NXPE2: variants seen among roughly 807,000 people sequenced by gnomAD.
NXPE2 encodes the protein NXPE family member 2.
A neutral mutation model predicts 34.4 loss-of-function variants in NXPE2; 34 were observed. That is an observed-to-expected ratio of 0.99 (90% confidence interval 0.75 to 1.31). The LOEUF (loss-of-function observed/expected upper bound fraction) is 1.31. NXPE2 is among the 40% of genes most tolerant of loss of function. The pLI is 0.00. For missense variants in NXPE2, 649 were observed against 672.5 expected (o/e 0.97, Z 0.39); for synonymous variants, 235 against 231.3 (o/e 1.02, Z -0.15).
the NXPE2 span, among the ~76,000 whole-genome samples, chr11:114,620,610 C>T: frequency 6.5e-4 from 99 of 151,644 alleles, no homozygotes; most frequent in African/African-American, 1.9e-3. Context: ...CACTGTTACG[C>T]GGTGGATAAT....
the NXPE2 span, among the ~76,000 whole-genome samples, chr11:114,539,732 A>T: frequency 1.3e-5 from 2 of 152,224 alleles, no homozygotes; most frequent in Non-Finnish European, 2.9e-5. Flanking sequence ...AGTGTAAATT[A>T]TTGAAATAAA....
chr11:114,520,809 T>C, the NXPE2 span, among the ~76,000 whole-genome samples: 87 of 152,330 alleles, frequency 5.7e-4, no homozygotes, highest in Non-Finnish European at 1.0e-3. Flanking sequence ...GACTTCCAAA[T>C]TGAGCATCTT....
the NXPE2 span, chr11:114,580,368 C>A: frequency 6.3e-7 from 1 of 1,588,788 alleles, no homozygotes; most frequent in Non-Finnish European, 8.6e-7. Context: ...ATAGGATCTT[C>A]CAAAACATCA....
At chr11:114,588,815 T>C in the NXPE2 span, among the ~76,000 whole-genome samples, 1 of 152,132 alleles carries the variant, frequency 6.6e-6, no homozygotes, top group Admixed American at 6.5e-5. Flanking sequence ...AAACACACCT[T>C]CTTGTCCCCT....
At chr11:114,556,938 G>A in the NXPE2 span, among the ~76,000 whole-genome samples, 1 of 148,660 alleles carries the variant, frequency 6.7e-6, no homozygotes, top group African/African-American at 2.5e-5. Flanking sequence ...TGTTGCCCAA[G>A]TTGGAGTGCA....
the NXPE2 span, among the ~76,000 whole-genome samples, chr11:114,775,184 C>T: frequency 1.3e-5 from 2 of 152,214 alleles, no homozygotes; most frequent in Non-Finnish European, 2.9e-5. Flanking sequence ...CCTCTTGTCG[C>T]TGTCTTCCTT....
At chr11:114,734,875 G>A in the NXPE2 span, among the ~76,000 whole-genome samples, 16 of 152,108 alleles carry the variant, frequency 1.1e-4, no homozygotes, top group East Asian at 7.7e-4. Context: ...TTGGGAGGCC[G>A]AGGCGGGCGG....
At chr11:114,623,264 T>C in the NXPE2 span, among the ~76,000 whole-genome samples, 5 of 152,206 alleles carry the variant, frequency 3.3e-5, no homozygotes, top group African/African-American at 1.2e-4. Flanking sequence ...GTAATACATA[T>C]TGCCTCGTGG....
chr11:114,694,243 T>C (rs558373723), intron 2 of NXPE2, among the ~76,000 whole-genome samples: 1 of 152,376 alleles, frequency 6.6e-6, no homozygotes, highest in Non-Finnish European at 1.5e-5. Flanking sequence ...AATTACACCT[T>C]CAATCTTAAT....
chr11:114,743,674 C>T, the NXPE2 span, among the ~76,000 whole-genome samples: 4 of 151,892 alleles, frequency 2.6e-5, no homozygotes, highest in South Asian at 2.1e-4. Flanking sequence ...CAATAAATAG[C>T]GGAAGTGGGA....
chr11:114,724,310 T>C, the NXPE2 span, among the ~76,000 whole-genome samples: 2 of 152,146 alleles, frequency 1.3e-5, no homozygotes, highest in African/African-American at 2.4e-5. Flanking sequence ...CCCTCACCCC[T>C]GAGTGGACTG....
At chr11:114,739,469 A>G in the NXPE2 span, among the ~76,000 whole-genome samples, 1 of 148,926 alleles carries the variant, frequency 6.7e-6, no homozygotes, top group African/African-American at 2.5e-5. Context: ...CTCCTTCTTC[A>G]GTAAAACTGA....
the NXPE2 span, among the ~76,000 whole-genome samples, chr11:114,755,636 C>A: frequency 6.6e-6 from 1 of 152,106 alleles, no homozygotes. Flanking sequence ...TTCTACCTAT[C>A]AACCCATCTA....
the NXPE2 span, among the ~76,000 whole-genome samples, chr11:114,740,408 G>A: frequency 6.6e-6 from 1 of 152,062 alleles, no homozygotes; most frequent in Non-Finnish European, 1.5e-5. Context: ...TGATGAACAG[G>A]CAAGTGCATG....
chr11:114,606,181 G>A, the NXPE2 span, among the ~76,000 whole-genome samples: 5 of 151,804 alleles, frequency 3.3e-5, no homozygotes, highest in African/African-American at 1.2e-4. Flanking sequence ...TGCCTTGTGG[G>A]TAATCACAGT....
chr11:114,809,257 G>A, the NXPE2 span, among the ~76,000 whole-genome samples: 1 of 151,944 alleles, frequency 6.6e-6, no homozygotes, highest in Non-Finnish European at 1.5e-5. Flanking sequence ...GGCAAAAACG[G>A]GAAGCATTCC....
At chr11:114,536,014 T>C in the NXPE2 span, among the ~76,000 whole-genome samples, 37 of 152,168 alleles carry the variant, frequency 2.4e-4, no homozygotes, top group Admixed American at 5.9e-4. Context: ...TATTCCAAAA[T>C]TGACCACATA....
chr11:114,758,113 T>C, the NXPE2 span, among the ~76,000 whole-genome samples: 1 of 152,136 alleles, frequency 6.6e-6, no homozygotes, highest in Non-Finnish European at 1.5e-5. Context: ...ATGGAAATAT[T>C]TGTGAGCAGA....
chr11:114,538,876 T>C, the NXPE2 span, among the ~76,000 whole-genome samples: 212 of 152,232 alleles, frequency 1.4e-3, 1 homozygote, highest in Non-Finnish European at 2.1e-3. Context: ...GTCAGTGTGG[T>C]GATTCCTCAG....
Sources: gnomAD v4.1 joint callset for allele counts (sites outside exome capture counted in the v4.1 genomes callset) on GRCh38, gnomAD v4.1.1 for gene constraint, MANE v1.5 for transcripts, NCBI Gene and HGNC (gene_info 2026-07-23, HGNC 2026-07-21) for gene names.